The following SLC4A4 variants were observed in gnomAD, a reference collection of about 807,000 sequenced individuals.
SLC4A4 encodes electrogenic sodium bicarbonate cotransporter 1.
In SLC4A4, 27 loss-of-function variants were observed where a neutral mutation model predicts 111.5. The ratio of observed to expected loss-of-function variants is 0.24; its 90% CI spans 0.18 to 0.33. The LOEUF is 0.33. SLC4A4 is among the 10% of genes least tolerant of loss of function. The pLI, the probability that SLC4A4 is intolerant of heterozygous loss-of-function variation, is 1.00. For missense variants in SLC4A4, 909 were observed against 1,315.5 expected (o/e 0.69, Z 4.78); for synonymous variants, 443 against 463.4 (o/e 0.96, Z 0.57).
intron 1 of SLC4A4, among the ~76,000 whole-genome samples, chr4:71,222,657 G>A (rs1451560569): frequency 6.6e-6 from 1 of 152,198 alleles, no homozygotes; most frequent in Non-Finnish European, 1.5e-5. Flanking sequence ...AAAAATGAAG[G>A]ATAAACTTTG....
intron 1 of SLC4A4, among the ~76,000 whole-genome samples, chr4:71,203,486 GTGA>G (rs1746348303): frequency 6.6e-6 from 1 of 152,188 alleles, no homozygotes; most frequent in Non-Finnish European, 1.5e-5. Context: ...CAGTTACTGT[GTGA>G]TGACTTTGCA....
intron 16 of SLC4A4, among the ~76,000 whole-genome samples, chr4:71,515,981 G>A (rs1732341422): frequency 6.7e-6 from 1 of 149,642 alleles, no homozygotes; most frequent in South Asian, 2.1e-4. Context: ...TTATTTATAT[G>A]TGAGGCTTCA....
intron 7 of SLC4A4, among the ~76,000 whole-genome samples, chr4:71,419,314 C>T (rs981808649): frequency 6.6e-6 from 1 of 152,234 alleles, no homozygotes; most frequent in Non-Finnish European, 1.5e-5. Context: ...CCTACAGAGG[C>T]AGGCAGGCCT....
At chr4:71,538,188 T>G (rs1734733530) in intron 18 of SLC4A4, among the ~76,000 whole-genome samples, 2 of 152,122 alleles carry the variant, frequency 1.3e-5, no homozygotes, top group Non-Finnish European at 2.9e-5. Flanking sequence ...TGGAGGTAAA[T>G]AAATCTCCTA....
At chr4:71,138,469 C>A (rs1743904056) in intron 2 of SLC4A4, among the ~76,000 whole-genome samples, 1 of 152,294 alleles carries the variant, frequency 6.6e-6, no homozygotes, top group South Asian at 2.1e-4. Context: ...AAGGACACAC[C>A]AAGCCTTTCT....
intron 16 of SLC4A4, among the ~76,000 whole-genome samples, chr4:71,531,824 GAGAA>G (rs1401094247): frequency 1.3e-5 from 2 of 149,636 alleles, no homozygotes; most frequent in African/African-American, 5.0e-5. Flanking sequence ...GAGAGAGAGA[GAGAA>G]AGAGCGAGCG....
intron 1 of SLC4A4, among the ~76,000 whole-genome samples, chr4:71,193,416 C>T (rs1745841713): frequency 6.6e-6 from 1 of 152,196 alleles, no homozygotes; most frequent in African/African-American, 2.4e-5. Context: ...GCCTTGGCCT[C>T]CCAAAGTGCT....
intron 6 of SLC4A4, among the ~76,000 whole-genome samples, chr4:71,360,423 A>G (rs548967795): frequency 3.3e-5 from 5 of 152,284 alleles, no homozygotes; most frequent in African/African-American, 1.2e-4. Flanking sequence ...TTAAAAGTGT[A>G]AAGTGTCTAT....
At chr4:71,556,217 CA>C (rs1736467551) in intron 21 of SLC4A4, among the ~76,000 whole-genome samples, 1 of 151,872 alleles carries the variant, frequency 6.6e-6, no homozygotes, top group South Asian at 2.1e-4. Flanking sequence ...TAGAGTTCGT[CA>C]TCTTTTGGAT....
intron 1 of SLC4A4, among the ~76,000 whole-genome samples, chr4:71,226,946 A>T (rs1235834713): frequency 6.6e-6 from 1 of 152,092 alleles, no homozygotes; most frequent in Non-Finnish European, 1.5e-5. Flanking sequence ...GAGGTAGAAA[A>T]ACTTCAGAAA....
chr4:71,065,043 T>C (rs984928360), intron 1 of SLC4A4, among the ~76,000 whole-genome samples: 3 of 152,142 alleles, frequency 2.0e-5, no homozygotes, highest in African/African-American at 4.8e-5. Context: ...TAAAATATAA[T>C]AATAAACCTT....
intron 6 of SLC4A4, among the ~76,000 whole-genome samples, chr4:71,395,101 G>A (rs1486524613): frequency 6.6e-6 from 1 of 152,148 alleles, no homozygotes; most frequent in Non-Finnish European, 1.5e-5. Context: ...TTGCTCTGGT[G>A]TGAGTGTCAA....
chr4:71,310,585 A>C (rs1726058752), intron 3 of SLC4A4, among the ~76,000 whole-genome samples: 1 of 152,214 alleles, frequency 6.6e-6, no homozygotes, highest in Non-Finnish European at 1.5e-5. Flanking sequence ...ATCCAGCCAA[A>C]CTAAGTTTCA....
chr4:71,425,555 G>A (rs1037762425), intron 7 of SLC4A4, among the ~76,000 whole-genome samples: 3 of 152,064 alleles, frequency 2.0e-5, no homozygotes, highest in Admixed American at 6.6e-5. Context: ...AGCCTGAGGC[G>A]GTCCTGACAA....
intron 1 of SLC4A4, among the ~76,000 whole-genome samples, chr4:71,194,178 G>A (rs1745880969): frequency 6.6e-6 from 1 of 152,058 alleles, no homozygotes; most frequent in African/African-American, 2.4e-5. Context: ...AAAAACATCC[G>A]TGTCTTTTTT....
chr4:71,460,844 T>A (rs1442851072), intron 12 of SLC4A4, among the ~76,000 whole-genome samples: 2 of 152,136 alleles, frequency 1.3e-5, no homozygotes, highest in Non-Finnish European at 2.9e-5. Context: ...TCTGATTTAA[T>A]TGTTTAGGGT....
chr4:71,063,872 A>G (rs1741449042), intron 1 of SLC4A4, among the ~76,000 whole-genome samples: 1 of 152,134 alleles, frequency 6.6e-6, no homozygotes. Flanking sequence ...ACCCCAAATG[A>G]TTTACATTTA....
chr4:71,073,331 G>A (rs1435162820), intron 1 of SLC4A4, among the ~76,000 whole-genome samples: 4 of 151,938 alleles, frequency 2.6e-5, no homozygotes, highest in Non-Finnish European at 5.9e-5. Flanking sequence ...TGGTGAGAGC[G>A]GTCATCTTTG....
intron 7 of SLC4A4, among the ~76,000 whole-genome samples, chr4:71,427,599 T>A (rs1273487188): frequency 6.6e-6 from 1 of 152,078 alleles, no homozygotes; most frequent in Non-Finnish European, 1.5e-5. Context: ...TCTTCTGTTA[T>A]GTCTAACAAC....
Sources: gnomAD v4.1 joint callset for allele counts (sites outside exome capture counted in the v4.1 genomes callset) on GRCh38, gnomAD v4.1.1 for gene constraint, MANE v1.5 for transcripts, NCBI Gene and HGNC (gene_info 2026-07-23, HGNC 2026-07-21) for gene names.